EIF2S2: variants seen among roughly 807,000 people sequenced by gnomAD.
The protein encoded by EIF2S2 is eukaryotic translation initiation factor 2 subunit beta.
Under a neutral mutation model 44.0 loss-of-function variants are expected in EIF2S2, and 4 were observed. The observed-to-expected ratio is 0.09, with a 90% CI of 0.04 to 0.21. The LOEUF is 0.21. EIF2S2 is among the 10% of genes least tolerant of loss of function. EIF2S2 has a pLI of 1.00. For synonymous variants in EIF2S2, 108 were observed against 128.3 expected (o/e 0.84, Z 1.07); for missense variants, 154 against 392.0 (o/e 0.39, Z 5.13).
intron 6 of EIF2S2, among the ~76,000 whole-genome samples, chr20:34,095,310 CTTTTTTTTTTT>C (rs148341160): frequency 8.1e-6 from 1 of 123,922 alleles, no homozygotes; most frequent in Non-Finnish European, 1.7e-5. Flanking sequence ...TTAGCTACCT[CTTTTTTTTTTT>C]TTTTTTTTTG....
chr20:34,106,953 G>T (rs542831189), intron 1 of EIF2S2, among the ~76,000 whole-genome samples: 1 of 152,198 alleles, frequency 6.6e-6, no homozygotes, highest in East Asian at 1.9e-4. Flanking sequence ...AGGCCGAGGC[G>T]GGCGGATCAT....
chr20:34,102,903 C>T (rs1395062887), intron 3 of EIF2S2, among the ~76,000 whole-genome samples: 6 of 152,092 alleles, frequency 3.9e-5, no homozygotes. Flanking sequence ...ACTCCCTGTC[C>T]AAAAGAATTT....
At chr20:34,107,020 A>G (rs2034357537) in intron 1 of EIF2S2, among the ~76,000 whole-genome samples, 1 of 152,104 alleles carries the variant, frequency 6.6e-6, no homozygotes, top group Non-Finnish European at 1.5e-5. Flanking sequence ...TCTCTACTAA[A>G]AATACAAAAA....
chr20:34,096,957 G>A (rs2122406139), intron 5 of EIF2S2, 152 bp from the exon 6 acceptor site: 2 of 824,018 alleles, frequency 2.4e-6, no homozygotes, highest in African/African-American at 1.7e-5. Flanking sequence ...TGAGGGCAGA[G>A]GTTCATCCCC....
chr20:34,092,540 C>T (rs745629955), intron 7 of EIF2S2, among the ~76,000 whole-genome samples: 16 of 152,038 alleles, frequency 1.1e-4, no homozygotes, highest in Non-Finnish European at 1.9e-4. Context: ...TGGTGGCGGG[C>T]GCCTGTAGTC....
intron 2 of EIF2S2, among the ~76,000 whole-genome samples, chr20:34,104,240 AACT>A (rs1222529201): frequency 6.6e-6 from 1 of 152,082 alleles, no homozygotes; most frequent in East Asian, 1.9e-4. Context: ...AACCCTACTG[AACT>A]ACTTTCAGTT....
At chr20:34,097,080 T>A (rs1250631614) in intron 5 of EIF2S2, among the ~76,000 whole-genome samples, 1 of 152,130 alleles carries the variant, frequency 6.6e-6, no homozygotes, top group Non-Finnish European at 1.5e-5. Context: ...CATGGAAAAG[T>A]AAGATTCAGG....
intron 1 of EIF2S2, among the ~76,000 whole-genome samples, chr20:34,106,400 T>A (rs2034350037): frequency 6.6e-6 from 1 of 151,206 alleles, no homozygotes. Flanking sequence ...AACATTTCAC[T>A]CTGCTTTTTG....
At chr20:34,108,714 G>T (rs554555301) in intron 1 of EIF2S2, among the ~76,000 whole-genome samples, 1 of 152,074 alleles carries the variant, frequency 6.6e-6, no homozygotes, top group South Asian at 2.1e-4. Flanking sequence ...GCAAAGAAAA[G>T]GTATACCAGC....
intron 3 of EIF2S2, among the ~76,000 whole-genome samples, chr20:34,102,720 G>A (rs1054534018): frequency 3.9e-5 from 6 of 152,120 alleles, no homozygotes; most frequent in African/African-American, 9.7e-5. Flanking sequence ...GTGAGTGTGT[G>A]TACTGCTATT....
In EIF2S2 at chr20:34,096,808, A is replaced by G. The variant is rs199502346; in HGVS notation, c.535-3T>C. 1.4e-4 allele frequency: 225 copies of G among 1,603,270 alleles called. 1 individual carries two copies. The South Asian group carries it at 2.4e-3, about 17-fold the overall frequency. ...ATGTTGAACACTCGATTCAGCAGCT[A>G]TAAAAATAAAGTGGTATTCATGAAT... On this transcript the variant is annotated splice_polypyrimidine_tract_variant and splice_region_variant and intron_variant, in intron 5 of 8. Coordinates refer to ENST00000374980, the MANE Select transcript of EIF2S2 (RefSeq NM_003908.5).
rs2122450564 is a variant in EIF2S2 at position 34,112,118 on chromosome 20, G to C, written c.-8C>G. 6.4e-7 allele frequency: 1 copy of C among 1,551,890 alleles called. No homozygotes were observed. Among genetic ancestry groups the C allele is most frequent in the East Asian group, 2.4e-5 (1 of 41,940 alleles). ...CACCTCGTCCCCAGACATGGCTGCG[G>C]CTCGAGTGGGCTCGGCACGGACGGG... On this transcript the variant is annotated 5_prime_UTR_variant, in exon 1 of 9. Transcript: ENST00000374980.
At chr20:34,093,416 A>G (rs2034190499) in intron 7 of EIF2S2, among the ~76,000 whole-genome samples, 1 of 152,386 alleles carries the variant, frequency 6.6e-6, no homozygotes. Flanking sequence ...TTCAGTTAGT[A>G]ACAGGAAAGT....
chr20:34,092,929 A>G (rs538400791), intron 7 of EIF2S2, among the ~76,000 whole-genome samples: 4 of 152,228 alleles, frequency 2.6e-5, no homozygotes, highest in Admixed American at 6.5e-5. Flanking sequence ...CTATGTGACC[A>G]ACTACAACTT....
intron 7 of EIF2S2, among the ~76,000 whole-genome samples, chr20:34,093,179 T>C (rs934917130): frequency 1.3e-5 from 2 of 152,198 alleles, no homozygotes; most frequent in Non-Finnish European, 2.9e-5. Flanking sequence ...TTGGCCTTCC[T>C]GAATGGGAAT....
At chr20:34,099,616 C>G (rs749212550) in intron 3 of EIF2S2, among the ~76,000 whole-genome samples, 6 of 152,152 alleles carry the variant, frequency 3.9e-5, no homozygotes, top group Non-Finnish European at 7.3e-5. Flanking sequence ...GGTTTAAGGG[C>G]TCAGTTCCTC....
In EIF2S2 at chr20:34,089,808, T is replaced by A. The variant is rs1231607306; in HGVS notation, c.924A>T (p.Arg308Ser). The change falls in exon 9 of 9, where the codon AGA becomes AGT. Residue 308 changes from arginine to serine, a missense_variant. Arg to Ser is a moderately radical substitution (Grantham distance 110). This residue lies in a region of EIF2S2 where 20 missense variants were observed against 167.0 expected (regional missense o/e 0.12). Coordinates refer to ENST00000374980, the MANE Select transcript of EIF2S2 (RefSeq NM_003908.5). The stretch of plus-strand genomic sequence containing the variant: ...CGGTTTTGATACTGGCAACAGAACA[T>A]CTAGAATGACAAGTTTCGCACTGTA... ...YFLQCETCHS[R>S]CSVASIKTGF... The A allele has an allele frequency of 6.2e-7, 1 of 1,613,864 alleles. No homozygotes were observed.
At chr20:34,103,379 G>C (rs2034314883) in intron 3 of EIF2S2, 83 bp downstream of exon 3, 1 of 1,450,546 alleles carries the variant, frequency 6.9e-7, no homozygotes, top group Non-Finnish European at 9.1e-7. Flanking sequence ...GCTAGTAAGA[G>C]ATGAGTCAAA....
chr20:34,109,751 A>G (rs1352385767), intron 1 of EIF2S2, among the ~76,000 whole-genome samples: 1 of 151,970 alleles, frequency 6.6e-6, no homozygotes, highest in East Asian at 1.9e-4. Context: ...TGGCTTAATT[A>G]CCAGGTTTAA....
Sources: gnomAD v4.1 joint callset for allele counts (sites outside exome capture counted in the v4.1 genomes callset) on GRCh38, gnomAD v4.1.1 for gene constraint, gnomAD v4.1.1 regional missense constraint, MANE v1.5 for transcripts, NCBI Gene and HGNC (gene_info 2026-07-23, HGNC 2026-07-21) for gene names.